Variants in PTPRK observed in about 807,000 individuals in gnomAD.
The protein encoded by PTPRK is receptor-type tyrosine-protein phosphatase kappa.
Under a neutral mutation model 178.0 loss-of-function variants are expected in PTPRK, and 75 were observed. The observed-to-expected ratio is 0.42, with a 90% CI of 0.35 to 0.51. The LOEUF is 0.51. Ranked by LOEUF, PTPRK falls within the 20% of genes least tolerant of loss-of-function variation. PTPRK has a pLI of 0.02. For missense variants in PTPRK, 1,441 were observed against 1,797.8 expected (o/e 0.80, Z 3.59); for synonymous variants, 637 against 620.6 (o/e 1.03, Z -0.39).
At chr6:128,300,040 A>G (rs1458740898) in intron 3 of PTPRK, among the ~76,000 whole-genome samples, 1 of 152,082 alleles carries the variant, frequency 6.6e-6, no homozygotes, top group Non-Finnish European at 1.5e-5. Flanking sequence ...AAAACAAACA[A>G]CCCCAACAAA....
At chr6:128,304,318 G>A (rs987458825) in intron 3 of PTPRK, among the ~76,000 whole-genome samples, 3 of 152,128 alleles carry the variant, frequency 2.0e-5, no homozygotes, top group African/African-American at 7.2e-5. Flanking sequence ...TAACATCAGG[G>A]AGGCCCAACT....
chr6:128,424,795 G>A (rs1042140058), intron 1 of PTPRK, among the ~76,000 whole-genome samples: 2 of 152,114 alleles, frequency 1.3e-5, no homozygotes, highest in Non-Finnish European at 2.9e-5. Context: ...CGTTAAGAAT[G>A]AAGGATGCTG....
At chr6:128,438,185 A>G (rs1845844592) in intron 1 of PTPRK, among the ~76,000 whole-genome samples, 1 of 152,238 alleles carries the variant, frequency 6.6e-6, no homozygotes, top group Admixed American at 6.5e-5. Flanking sequence ...CTAACATCAC[A>G]GACGTTTCTC....
rs575591898 is a variant in PTPRK at position 128,395,177 on chromosome 6, GA to G, written c.223+2388del. On this transcript the variant is annotated intron_variant, in intron 2 of 29. Transcript: ENST00000368226. ...TTTAAAGGAATATCAGAAGGAAAAT[GA>G]AAAAAATAGTATCTATTATAAAAAG... 1.3e-5 allele frequency among the ~76,000 whole-genome samples: 2 copies of G among 151,858 alleles called. 1 individual carries two copies. Among genetic ancestry groups the G allele is most frequent in the Middle Eastern group, 6.4e-3 (2 of 314 alleles).
chr6:128,137,243 T>C (rs987655208), intron 7 of PTPRK, among the ~76,000 whole-genome samples: 6 of 152,220 alleles, frequency 3.9e-5, no homozygotes, highest in Non-Finnish European at 8.8e-5. Context: ...AAGAAACCTT[T>C]TATTTTGAGC....
At chr6:128,007,225 T>G (rs1208424546) in intron 14 of PTPRK, among the ~76,000 whole-genome samples, 1 of 150,848 alleles carries the variant, frequency 6.6e-6, no homozygotes, top group Non-Finnish European at 1.5e-5. Flanking sequence ...GTAAAAGTCA[T>G]TACAAAATTG....
intron 15 of PTPRK, chr6:128,003,313 T>C (rs968284303): frequency 2.4e-6 from 3 of 1,254,432 alleles, no homozygotes; most frequent in African/African-American, 3.0e-5. Context: ...AATAGATTTA[T>C]GCTTTCTTAA....
At chr6:128,255,011 G>T (rs1817048738) in intron 3 of PTPRK, among the ~76,000 whole-genome samples, 1 of 152,126 alleles carries the variant, frequency 6.6e-6, no homozygotes, top group East Asian at 1.9e-4. Context: ...TTTTTCTTGA[G>T]CCAGAGTCTT....
intron 13 of PTPRK, among the ~76,000 whole-genome samples, chr6:128,029,560 A>T (rs1774920085): frequency 6.6e-6 from 1 of 151,416 alleles, no homozygotes. Flanking sequence ...CGAGGCAGAA[A>T]AATCACTTGA....
At chr6:128,198,921 T>A (rs1805408950) in intron 6 of PTPRK, among the ~76,000 whole-genome samples, 1 of 152,314 alleles carries the variant, frequency 6.6e-6, no homozygotes, top group East Asian at 1.9e-4. Flanking sequence ...AATGCACTTA[T>A]GAACAAATAA....
At chr6:128,214,101 C>T (rs1169893887) in intron 6 of PTPRK, among the ~76,000 whole-genome samples, 1 of 152,126 alleles carries the variant, frequency 6.6e-6, no homozygotes, top group Admixed American at 6.6e-5. Context: ...AAATATTGTG[C>T]TAGGTGCTGA....
chr6:128,016,269 T>C (rs1433341225), intron 13 of PTPRK, among the ~76,000 whole-genome samples: 2 of 151,918 alleles, frequency 1.3e-5, no homozygotes, highest in Non-Finnish European at 2.9e-5. Context: ...AGTGTTTTTA[T>C]AGCAGGTTTG....
chr6:127,999,751 A>G (rs1340080986), intron 15 of PTPRK, among the ~76,000 whole-genome samples: 1 of 151,884 alleles, frequency 6.6e-6, no homozygotes, highest in Non-Finnish European at 1.5e-5. Flanking sequence ...TATTTTCCTC[A>G]CTAAATTCTG....
chr6:128,318,765 T>C (rs113283797), intron 3 of PTPRK, among the ~76,000 whole-genome samples: 12 of 152,176 alleles, frequency 7.9e-5, no homozygotes, highest in Admixed American at 4.6e-4. Flanking sequence ...ATTTCCAGAG[T>C]GGAGAAAATT....
chr6:128,094,977 T>C (rs113764421), intron 7 of PTPRK, among the ~76,000 whole-genome samples: 1,735 of 152,102 alleles, frequency 0.011, 23 homozygotes, highest in Middle Eastern at 0.02. Context: ...TTAGTGAGCA[T>C]GACAGGGGGC....
chr6:128,256,768 A>G (rs1200943306), intron 3 of PTPRK, among the ~76,000 whole-genome samples: 1 of 152,100 alleles, frequency 6.6e-6, no homozygotes, highest in Non-Finnish European at 1.5e-5. Context: ...GGGAAAGCGG[A>G]CAATGATTCA....
chr6:128,021,635 G>A (rs889198328), intron 13 of PTPRK, among the ~76,000 whole-genome samples: 3 of 151,938 alleles, frequency 2.0e-5, no homozygotes, highest in South Asian at 2.1e-4. Flanking sequence ...GCGAGACTCC[G>A]TCTCAAAAAA....
chr6:128,487,364 C>A (rs1364014433), intron 1 of PTPRK, among the ~76,000 whole-genome samples: 1 of 151,122 alleles, frequency 6.6e-6, no homozygotes, highest in Non-Finnish European at 1.5e-5. Context: ...ACTGGGAAGG[C>A]CTCAAAAACA....
At chr6:128,334,714 A>G (rs1232556111) in intron 2 of PTPRK, among the ~76,000 whole-genome samples, 1 of 152,222 alleles carries the variant, frequency 6.6e-6, no homozygotes, top group African/African-American at 2.4e-5. Flanking sequence ...TCTTAATACA[A>G]TAAAAGACAC....
Sources: gnomAD v4.1 joint callset for allele counts (sites outside exome capture counted in the v4.1 genomes callset) on GRCh38, gnomAD v4.1.1 for gene constraint, MANE v1.5 for transcripts, NCBI Gene and HGNC (gene_info 2026-07-23, HGNC 2026-07-21) for gene names.